Variants in OSBP2 observed in about 807,000 individuals in gnomAD.
OSBP2 encodes the protein oxysterol binding protein 2, also known as oxysterol-binding protein 2.
Under a neutral mutation model 96.0 loss-of-function variants are expected in OSBP2, and 66 were observed. The ratio of observed to expected loss-of-function variants is 0.69; its 90% CI spans 0.56 to 0.84. OSBP2 has a LOEUF of 0.84. Among genes scored for constraint, OSBP2 ranks in the 40% least tolerant of loss-of-function variants. The probability of loss-of-function intolerance (pLI) is 0.00; values close to 1 mark genes in which losing one functional copy is unlikely to be tolerated. For synonymous variants in OSBP2, 525 were observed against 520.9 expected, an observed-to-expected ratio of 1.01 and a Z score of -0.11; for missense variants, 1,038 against 1,222.7, an observed-to-expected ratio of 0.85 and a Z score of 2.25.
At chr22:30,833,542 G>GT (rs2038573640) in intron 2 of OSBP2, among the ~76,000 whole-genome samples, 1 of 152,144 alleles carries the variant, frequency 6.6e-6, no homozygotes, top group Admixed American at 6.6e-5. Flanking sequence ...CCTTGATTTT[G>GT]TAGGTGTGGC....
chr22:30,816,653 A>G (rs964104259), intron 2 of OSBP2, among the ~76,000 whole-genome samples: 1 of 152,172 alleles, frequency 6.6e-6, no homozygotes, highest in Non-Finnish European at 1.5e-5. Flanking sequence ...AGCAGAGGGC[A>G]CGTGTGGACA....
At chr22:30,727,348 G>A (rs1397687833) in intron 1 of OSBP2, among the ~76,000 whole-genome samples, 1 of 152,138 alleles carries the variant, frequency 6.6e-6, no homozygotes, top group Non-Finnish European at 1.5e-5. Flanking sequence ...TCTGTGGCCA[G>A]TGCCCAAGTA....
chr22:30,805,869 G>A (rs916544700), intron 2 of OSBP2, among the ~76,000 whole-genome samples: 2 of 152,224 alleles, frequency 1.3e-5, no homozygotes, highest in African/African-American at 2.4e-5. Flanking sequence ...GCCAAAGGCC[G>A]TGAGGAGTCT....
At chr22:30,748,295 T>C (rs372348164) in intron 2 of OSBP2, among the ~76,000 whole-genome samples, 3 of 152,248 alleles carry the variant, frequency 2.0e-5, no homozygotes, top group South Asian at 4.1e-4. Context: ...GGTCTTGAAC[T>C]CCTGACCTCA....
At chr22:30,702,890 C>T (rs2145671307) in intron 1 of OSBP2, among the ~76,000 whole-genome samples, 1 of 152,316 alleles carries the variant, frequency 6.6e-6, no homozygotes, top group East Asian at 1.9e-4. Context: ...TCCTCAGTAG[C>T]TTGGTTTGTC....
chr22:30,890,898 C>T lies in OSBP2; in HGVS notation c.1794C>T (p.Pro598=). The T allele has an allele frequency of 6.2e-7, 1 of 1,613,526 alleles. No homozygotes were observed. The highest frequency in any genetic ancestry group is 8.5e-7 in the Non-Finnish European group (1 of 1,180,034). Residue 598 remains proline, a synonymous_variant, in exon 8 of 14, where the codon CCC becomes CCT. Transcript: ENST00000332585. The surrounding 1 kb of genome is among the most constrained non-coding windows in gnomAD (Gnocchi z 4.4). Reference sequence around the variant, plus strand: ...CCACAGTGCACCGCATCGCCAAGCCCTTCAACCCCATGCTGGGGGAGACCT... The same window carrying T: ...CCACAGTGCACCGCATCGCCAAGCCTTTCAACCCCATGCTGGGGGAGACCT... The part of the protein sequence containing the change: ...YSTTVHRIAK[P]FNPMLGETFE...
At chr22:30,761,783 CCAGA>C (rs2090207197) in intron 2 of OSBP2, among the ~76,000 whole-genome samples, 1 of 151,912 alleles carries the variant, frequency 6.6e-6, no homozygotes, top group Non-Finnish European at 1.5e-5. Context: ...AGAAATGGGC[CCAGA>C]CAAATATGGT....
At chr22:30,891,732 G>C (rs1213953695) in intron 8 of OSBP2, among the ~76,000 whole-genome samples, 1 of 152,090 alleles carries the variant, frequency 6.6e-6, no homozygotes, top group East Asian at 1.9e-4. Context: ...ACGGGGGTGG[G>C]GGGCAGTCAG....
In OSBP2 at chr22:30,889,080, T is replaced by C. The variant is rs1602421056; in HGVS notation, c.1419-97T>C. 5.8e-6 allele frequency: 6 copies of C among 1,033,616 alleles called. No homozygotes were observed. In the East Asian group the frequency reaches 1.5e-4, roughly 25 times the overall value. The allele number at this position is 1,033,616 out of a possible 1,614,324, so 64.0% of individuals were successfully genotyped here. On this transcript the variant is annotated intron_variant, in intron 5 of 13. Transcript: ENST00000332585. ...ACACGGCAGTGACCAGGACATTTAC[T>C]AGCAATGAAAATGATGTTGTCTGGA...
intron 2 of OSBP2, among the ~76,000 whole-genome samples, chr22:30,797,582 C>CTATT (rs113034943): frequency 0.19 from 28,515 of 148,574 alleles, 2,778 homozygotes; most frequent in Middle Eastern, 0.27. Flanking sequence ...ACACCTGGCC[C>CTATT]TATTTATTTT....
chr22:30,782,996 T>C (rs1285783076), intron 2 of OSBP2, among the ~76,000 whole-genome samples: 2 of 151,876 alleles, frequency 1.3e-5, no homozygotes, highest in Non-Finnish European at 2.9e-5. Context: ...TCAAAAATGA[T>C]TGTATGTTTT....
chr22:30,788,648 G>T (rs1340972558), intron 2 of OSBP2, among the ~76,000 whole-genome samples: 2 of 152,190 alleles, frequency 1.3e-5, no homozygotes, highest in Non-Finnish European at 2.9e-5. Flanking sequence ...GCCAAGGACT[G>T]TGTTAATTAA....
intron 8 of OSBP2, among the ~76,000 whole-genome samples, chr22:30,891,551 A>G (rs562359111): frequency 2.6e-5 from 4 of 152,324 alleles, no homozygotes; most frequent in South Asian, 4.1e-4. Context: ...GATGCTGGCC[A>G]TTCACAGACC....
chr22:30,880,978 G>C lies in OSBP2; in HGVS notation c.1108-6448G>C, dbSNP rs543060477. Among the ~76,000 whole-genome samples the C allele has an allele frequency of 2.0e-5, 3 of 152,272 alleles. No homozygotes were observed. In the South Asian group the frequency reaches 6.2e-4, roughly 32 times the overall value. On this transcript the variant is annotated intron_variant, in intron 3 of 13. Coordinates refer to ENST00000332585, the MANE Select transcript of OSBP2 (RefSeq NM_030758.4). ...TTCTCAGTAGGGAGAGTCCCTGGTGGTCAGGCAGGGCCTGGACTCCCCAGG... is the reference window on the plus strand; with the variant it reads ...TTCTCAGTAGGGAGAGTCCCTGGTGCTCAGGCAGGGCCTGGACTCCCCAGG...
At chr22:30,740,719 T>C (rs2089926594) in intron 1 of OSBP2, among the ~76,000 whole-genome samples, 1 of 152,150 alleles carries the variant, frequency 6.6e-6, no homozygotes, top group Non-Finnish European at 1.5e-5. Flanking sequence ...TCAAGTGATC[T>C]GCCCTCCTCG....
At chr22:30,883,676 G>C (rs556340226) in intron 3 of OSBP2, among the ~76,000 whole-genome samples, 6 of 152,310 alleles carry the variant, frequency 3.9e-5, no homozygotes, top group Middle Eastern at 3.4e-3. Context: ...GGTGCCCTCA[G>C]GGCTAGCTTT....
chr22:30,887,660 C>A, intron 4 of OSBP2, 42 bp downstream of exon 4: 2 of 1,491,824 alleles, frequency 1.3e-6, no homozygotes, highest in Admixed American at 2.0e-5. Flanking sequence ...TGACCTTCTG[C>A]CAGCTGGCTC....
In OSBP2 at chr22:30,906,039, G is replaced by C. The variant is rs774486423; in HGVS notation, c.2578G>C (p.Gly860Arg). ...GCGGCGCCGGCGGCTGGAGGCCTGCGGGCCGGGCAGCAGCTGCAGCTCGGA... is the reference window on the plus strand; with the variant it reads ...GCGGCGCCGGCGGCTGGAGGCCTGCCGGCCGGGCAGCAGCTGCAGCTCGGA... ...LSRRRRLEAC[G>R]PGSSCSSEEE... The change falls in exon 13 of 14, where the codon GGG becomes CGG. Residue 860 changes from glycine to arginine, a missense_variant. Coordinates refer to ENST00000332585, the MANE Select transcript of OSBP2 (RefSeq NM_030758.4). The C allele has an allele frequency of 1.3e-6, 2 of 1,565,574 alleles. No homozygotes were observed. The highest frequency in any genetic ancestry group is 2.3e-5 in the South Asian group (2 of 86,002).
intron 1 of OSBP2, among the ~76,000 whole-genome samples, chr22:30,736,840 T>C (rs996761405): frequency 3.9e-5 from 6 of 152,258 alleles, no homozygotes; most frequent in Non-Finnish European, 7.3e-5. Context: ...TAATTTCATC[T>C]ACTTTTGTTT....
Sources: gnomAD v4.1 joint callset for allele counts (sites outside exome capture counted in the v4.1 genomes callset) on GRCh38, gnomAD v4.1.1 for gene constraint, Gnocchi (gnomAD v3.1) non-coding constraint, MANE v1.5 for transcripts, NCBI Gene and HGNC (gene_info 2026-07-23, HGNC 2026-07-21) for gene names.